OPRK1: variants seen among roughly 807,000 people sequenced by gnomAD.
OPRK1 encodes the protein kappa-type opioid receptor.
A neutral mutation model predicts 24.5 loss-of-function variants in OPRK1; 15 were observed. That is an observed-to-expected ratio of 0.61 (90% CI 0.41 to 0.94). OPRK1 has a LOEUF of 0.94. Ranked by LOEUF, OPRK1 falls within the 40% of genes least tolerant of loss-of-function variation. The probability of loss-of-function intolerance (pLI) is 0.00; values close to 1 mark genes in which losing one functional copy is unlikely to be tolerated. For missense variants in OPRK1, 479 were observed against 507.3 expected, an observed-to-expected ratio of 0.94 and a Z score of 0.54; for synonymous variants, 205 against 198.0, an observed-to-expected ratio of 1.04 and a Z score of -0.30.
At chr8:53,242,813 C>A in intron 2 of OPRK1, 1 of 1,251,496 alleles carries the variant, frequency 8.0e-7, no homozygotes, top group Non-Finnish European at 1.0e-6. Context: ...GCCACTCCAG[C>A]CATTCTTAAT....
Position 53,235,128 on chromosome 8 carries a change from A to T in OPRK1, c.258-17T>A. On this transcript the variant is annotated splice_polypyrimidine_tract_variant and intron_variant, in intron 2 of 3. Coordinates refer to ENST00000265572, the MANE Select transcript of OPRK1 (RefSeq NM_000912.5). ...TTTGTGTATCTAAAAGAAAAGAAAC[A>T]ATAGCATTTCCCTCCATTTTCAAGT... The T allele has an allele frequency of 6.3e-7, 1 of 1,596,698 alleles. No homozygotes were observed. Among genetic ancestry groups the T allele is most frequent in the Non-Finnish European group, 8.6e-7 (1 of 1,167,446 alleles).
chr8:53,233,381 C>G (rs1806903116), intron 3 of OPRK1, among the ~76,000 whole-genome samples: 1 of 152,110 alleles, frequency 6.6e-6, no homozygotes, highest in African/African-American at 2.4e-5. Flanking sequence ...GTCAGTTTTG[C>G]TGTGAACCTA....
intron 2 of OPRK1, among the ~76,000 whole-genome samples, chr8:53,249,233 T>C (rs373610699): frequency 6.6e-6 from 1 of 152,018 alleles, no homozygotes; most frequent in Non-Finnish European, 1.5e-5. Context: ...AACAGAGCTA[T>C]TTTTTTTCCT....
chr8:53,250,344 T>C (rs1052556536), intron 2 of OPRK1, among the ~76,000 whole-genome samples: 3 of 152,152 alleles, frequency 2.0e-5, no homozygotes, highest in African/African-American at 4.8e-5. Context: ...TTCAGTGCAT[T>C]GGGTGGGCTT....
At chr8:53,246,446 G>A (rs1468911733) in intron 2 of OPRK1, among the ~76,000 whole-genome samples, 4 of 152,182 alleles carry the variant, frequency 2.6e-5, no homozygotes, top group Non-Finnish European at 5.9e-5. Context: ...CATTAGCTAA[G>A]GAAATGAGGA....
At chr8:53,243,555 A>G (rs775982423) in intron 2 of OPRK1, among the ~76,000 whole-genome samples, 5 of 152,190 alleles carry the variant, frequency 3.3e-5, no homozygotes, top group African/African-American at 7.2e-5. Flanking sequence ...GCAGTTGTAT[A>G]GTCTCTGATC....
rs147251408 is a variant in OPRK1, at chr8:53,247,530, C to A, written c.257+3251G>T. ...TTCTTTAAGGGAGGAGAAAGTCGAA[C>A]GCGTATGAAGTTGTGGTAAGAGTGG... On this transcript the variant is annotated intron_variant, in intron 2 of 3. Transcript: ENST00000265572. 2.7e-3 allele frequency among the ~76,000 whole-genome samples: 417 copies of A among 152,088 alleles called. 8 individuals are homozygous for A. Among genetic ancestry groups the A allele is most frequent in the East Asian group, 0.018 (92 of 5,176 alleles).
Position 53,226,744 on chromosome 8 carries a change from T to C in OPRK1, c.*2553A>G, listed in dbSNP as rs1806701123. On this transcript the variant is annotated 3_prime_UTR_variant, in exon 4 of 4. Coordinates refer to ENST00000265572, the MANE Select transcript of OPRK1 (RefSeq NM_000912.5). The stretch of plus-strand genomic sequence containing the variant: ...CCCTGCTACGTTGTTTACTTTATCA[T>C]TCCTTTAAAGCAGTACCCTAAAATG... The C allele has an allele frequency of 8.6e-6, 1 of 116,864 alleles. No homozygotes were observed. The highest frequency in any genetic ancestry group is 1.7e-5 in the Non-Finnish European group (1 of 59,028). The allele number at this position is 116,864 out of a possible 1,614,324, so 7.2% of individuals were successfully genotyped here. A position where few individuals can be genotyped will look rare whatever the true frequency, so the allele number is the denominator to read the frequency against.
intron 1 of OPRK1, 42 bp downstream of exon 1, chr8:53,251,406 G>C: frequency 3.2e-6 from 1 of 311,406 alleles, no homozygotes; most frequent in East Asian, 7.4e-5. Context: ...CTCCCAGCAC[G>C]GAGCTCTACC....
chr8:53,232,956 G>T (rs911210963), intron 3 of OPRK1, among the ~76,000 whole-genome samples: 8 of 152,176 alleles, frequency 5.3e-5, no homozygotes, highest in African/African-American at 9.6e-5. Flanking sequence ...TGAAAGCTTT[G>T]CCTCAGAAAA....
intron 2 of OPRK1, among the ~76,000 whole-genome samples, chr8:53,250,517 G>A (rs748318824): frequency 6.6e-6 from 1 of 152,158 alleles, no homozygotes; most frequent in Non-Finnish European, 1.5e-5. Flanking sequence ...GGGCCCTAGG[G>A]TGGGGTCGGG....
Position 53,234,804 on chromosome 8 carries a change from C to T in OPRK1, c.565G>A (p.Val189Ile). 1 of 1,614,214 alleles carries T rather than the reference C, an allele frequency of 6.2e-7. No individual in the cohort carries two copies. The highest frequency in any genetic ancestry group is 1.1e-5 in the South Asian group (1 of 91,084). ...CCAAGGACTATTGCAGAGATGCCAACAGATGACGACAGCAGCCAGATGCAG... is the reference window on the plus strand; with the variant it reads ...CCAAGGACTATTGCAGAGATGCCAATAGATGACGACAGCAGCCAGATGCAG... ...NICIWLLSSS[V>I]GISAIVLGGT... is the part of the protein sequence containing the mutation. The change falls in exon 3 of 4, where the codon GTT (valine) becomes ATT (isoleucine). Residue 189 changes from valine to isoleucine, a missense_variant. Physicochemically the swap from Val to Ile is conservative, Grantham distance 29. Transcript: ENST00000265572.
chr8:53,229,813 C>T lies in OPRK1; in HGVS notation c.627G>A (p.Glu209=), dbSNP rs748396579. 3 of 1,568,434 alleles carry T rather than the reference C, an allele frequency of 1.9e-6. No individual in the cohort carries two copies. Among genetic ancestry groups the T allele is most frequent in the Non-Finnish European group, 2.6e-6 (3 of 1,157,370 alleles). ...CATCATCTGGGAACTGCAAGGAGCA[C>T]TCAATGACATCGACGTCTGGAGGAG... ...TKVREDVDVI[E]CSLQFPDDDY... Residue 209 remains glutamate, a synonymous_variant, in exon 4 of 4, where the codon GAG becomes GAA. Coordinates refer to ENST00000265572, the MANE Select transcript of OPRK1 (RefSeq NM_000912.5).
intron 2 of OPRK1, among the ~76,000 whole-genome samples, 183 bp from the exon 3 acceptor site, chr8:53,235,294 T>C (rs1434218809): frequency 6.6e-6 from 1 of 152,212 alleles, no homozygotes; most frequent in Non-Finnish European, 1.5e-5. Context: ...GACAAAGATC[T>C]CCAACTTTAT....
chr8:53,229,606 C>T lies in OPRK1; in HGVS notation c.834G>A (p.Val278=). The change falls in exon 4 of 4, where the codon GTG becomes GTA. Residue 278 remains valine, a synonymous_variant. Coordinates refer to ENST00000265572, the MANE Select transcript of OPRK1 (RefSeq NM_000912.5). Reference sequence around the variant, plus strand: ...AGCAGACGACGAAGACTGCCACCACCACCAGGACCAGTCTGGTGATCCTAC... The same window carrying T: ...AGCAGACGACGAAGACTGCCACCACTACCAGGACCAGTCTGGTGATCCTAC... ...NLRRITRLVL[V]VVAVFVVCWT... is the part of the protein sequence containing the mutation. 1 of 1,614,118 alleles carries T rather than the reference C, an allele frequency of 6.2e-7. No individual in the cohort carries two copies. The highest frequency in any genetic ancestry group is 8.5e-7 in the Non-Finnish European group (1 of 1,180,008).
chr8:53,242,163 C>T (rs929403254), intron 2 of OPRK1, among the ~76,000 whole-genome samples: 9 of 152,296 alleles, frequency 5.9e-5, no homozygotes, highest in Non-Finnish European at 1.3e-4. Flanking sequence ...CAAAGCAAGC[C>T]ACAGAGCGTG....
intron 3 of OPRK1, among the ~76,000 whole-genome samples, chr8:53,230,456 T>C (rs1326648455): frequency 1.3e-5 from 2 of 152,106 alleles, no homozygotes; most frequent in African/African-American, 4.8e-5. Context: ...AGTAAAACCT[T>C]TGGAGGAGGT....
chr8:53,236,991 C>T (rs1807011616), intron 2 of OPRK1, among the ~76,000 whole-genome samples: 2 of 152,090 alleles, frequency 1.3e-5, no homozygotes, highest in African/African-American at 2.4e-5. Context: ...TTAGAGGGTC[C>T]TTAACCACCC....
intron 2 of OPRK1, chr8:53,238,451 C>A: frequency 1.3e-6 from 1 of 779,434 alleles, no homozygotes; most frequent in Non-Finnish European, 1.6e-6. Context: ...GACAACATAA[C>A]AGACCTGAAA....
Sources: allele counts gnomAD v4.1 joint callset (sites outside exome capture counted in the v4.1 genomes callset), GRCh38; gene constraint gnomAD v4.1.1; transcripts MANE v1.5; gene names NCBI Gene and HGNC (gene_info 2026-07-23, HGNC 2026-07-21).